The following DNAJC16 variants were observed in gnomAD, a reference collection of about 807,000 sequenced individuals.
DNAJC16 encodes dnaJ homolog subfamily C member 16.
A neutral mutation model predicts 92.7 loss-of-function variants in DNAJC16; 76 were observed. That is an observed-to-expected ratio of 0.82 (90% CI 0.68 to 0.99). The LOEUF is 0.99. Among genes scored for constraint, DNAJC16 ranks in the 50% least tolerant of loss-of-function variants. The pLI, the probability that DNAJC16 is intolerant of heterozygous loss-of-function variation, is 0.00. For missense variants in DNAJC16, 869 were observed against 942.4 expected, an observed-to-expected ratio of 0.92 and a Z score of 1.02; for synonymous variants, 328 against 358.7, an observed-to-expected ratio of 0.91 and a Z score of 0.97.
At chr1:15,542,482 G>C (rs763777391) in intron 4 of DNAJC16, among the ~76,000 whole-genome samples, 58 of 152,126 alleles carry the variant, frequency 3.8e-4, no homozygotes, top group Non-Finnish European at 7.1e-4. Context: ...CTGATCATCT[G>C]TCTCCTTTGT....
intron 7 of DNAJC16, among the ~76,000 whole-genome samples, chr1:15,555,192 G>A (rs530835205): frequency 2.0e-5 from 3 of 150,188 alleles, no homozygotes; most frequent in Admixed American, 1.3e-4. Flanking sequence ...CCTGGGCAAC[G>A]TGGTAAAACC....
Position 15,569,113 on chromosome 1 carries a change from C to T in DNAJC16, c.*936C>T, listed in dbSNP as rs1638886524. The T allele has an allele frequency of 6.2e-6, 1 of 161,474 alleles. No homozygotes were observed. The highest frequency in any genetic ancestry group is 2.4e-5 in the African/African-American group (1 of 41,874). The allele number at this position is 161,474 out of a possible 1,614,324, so 10.0% of individuals were successfully genotyped here. A position where few individuals can be genotyped will look rare whatever the true frequency, so the allele number is the denominator to read the frequency against. On this transcript the variant is annotated 3_prime_UTR_variant, in exon 15 of 15. Transcript: ENST00000375847. ...TTAAACTGAAGAGAAATTATTCCCA[C>T]CTGCTATGAGTCAGGCTTAAGGAAT... is the stretch of plus-strand genomic sequence containing the variant.
At chr1:15,547,074 G>T (rs368485112) in intron 6 of DNAJC16, among the ~76,000 whole-genome samples, 329 of 151,700 alleles carry the variant, frequency 2.2e-3, no homozygotes, top group African/African-American at 7.5e-3. Context: ...GCCAGTTACT[G>T]TGTTAGTGCT....
chr1:15,535,783 A>G (rs909029418), intron 3 of DNAJC16, among the ~76,000 whole-genome samples: 2 of 151,792 alleles, frequency 1.3e-5, no homozygotes, highest in Admixed American at 1.3e-4. Flanking sequence ...TTTTCTTAAG[A>G]GACAGTCTGT....
At chr1:15,535,058 C>T (rs1446984418) in intron 3 of DNAJC16, among the ~76,000 whole-genome samples, 1 of 152,174 alleles carries the variant, frequency 6.6e-6, no homozygotes, top group African/African-American at 2.4e-5. Flanking sequence ...TAGGGAATGC[C>T]CTTCAGCAGA....
chr1:15,530,860 G>T (rs1304710111), intron 2 of DNAJC16, among the ~76,000 whole-genome samples: 3 of 152,150 alleles, frequency 2.0e-5, no homozygotes, highest in African/African-American at 7.2e-5. Context: ...GCTAATTGTT[G>T]TATTTCTAGT....
Position 15,529,183 on chromosome 1 carries a change from G to A in DNAJC16, c.78G>A (p.Leu26=), listed in dbSNP as rs1340124446. ...LVLILQILSA[L]DFDPYRVLGV... ...TGATCCTGCAAATTCTGTCTGCGTT[G>A]GATTTTGACCCATACAGAGTCCTAG... Residue 26 remains leucine, a synonymous_variant, in exon 2 of 15, where the codon TTG becomes TTA. Transcript: ENST00000375847. The A allele has an allele frequency of 6.2e-7, 1 of 1,613,958 alleles. No individual in the cohort carries two copies. The highest frequency in any genetic ancestry group is 8.5e-7 in the Non-Finnish European group (1 of 1,179,984).
At chr1:15,562,028 G>A (rs762126969) in intron 8 of DNAJC16, 114 bp from the exon 9 acceptor site, 5 of 1,031,162 alleles carry the variant, frequency 4.8e-6, no homozygotes, top group Admixed American at 2.4e-5. Context: ...ACTGGGCACA[G>A]TGTATTCACT....
intron 2 of DNAJC16, among the ~76,000 whole-genome samples, chr1:15,532,703 G>GT (rs142392931): frequency 0.3 from 45,446 of 150,178 alleles, 7,160 homozygotes; most frequent in East Asian, 0.58. Context: ...TGGTATTTTT[G>GT]TGTTTTTTTT....
chr1:15,536,835 GA>G, intron 4 of DNAJC16, 21 bp downstream of exon 4: 1 of 1,571,018 alleles, frequency 6.4e-7, no homozygotes, highest in Non-Finnish European at 8.6e-7. Context: ...TTTATTCACT[GA>G]AAGATATTTA....
rs1710729051 is a variant in DNAJC16, at chr1:15,534,274, A to G, written c.205A>G (p.Lys69Glu). 1 of 1,614,114 alleles carries G rather than the reference A, an allele frequency of 6.2e-7. No homozygotes were observed. Among genetic ancestry groups the G allele is most frequent in the Non-Finnish European group, 8.5e-7 (1 of 1,180,000 alleles). ...DKNKDPGAED[K>E]FIQISKAYEI... Reference sequence around the variant, plus strand: ...AAACAAAGATCCTGGAGCAGAAGACAAGTTCATTCAAATCAGTAAGGCTTA... The same window carrying G: ...AAACAAAGATCCTGGAGCAGAAGACGAGTTCATTCAAATCAGTAAGGCTTA... The change falls in exon 3 of 15, where the codon AAG becomes GAG. Residue 69 changes from lysine to glutamate, a missense_variant. Coordinates refer to ENST00000375847, the MANE Select transcript of DNAJC16 (RefSeq NM_015291.4).
chr1:15,555,765 ATCAGGAGTTTGAGG>A (rs1249761504), intron 7 of DNAJC16, among the ~76,000 whole-genome samples: 1 of 148,008 alleles, frequency 6.8e-6, no homozygotes, highest in Non-Finnish European at 1.5e-5. Context: ...AGTCGGGTGG[ATCAGGAGTTTGAGG>A]TCAGGAGTTC....
rs138963469 is a variant in DNAJC16 at position 15,564,343 on chromosome 1, A to G, written c.1582A>G (p.Ile528Val). The G allele has an allele frequency of 1.0e-5, 16 of 1,604,980 alleles. No homozygotes were observed. In the African/African-American group the frequency reaches 1.7e-4, roughly 17 times the overall value. Reference protein sequence around the residue: ...SDYISDCWDSIFHNNWREMMP... With the variant: ...SDYISDCWDSVFHNNWREMMP... ...CTACATCTCAGACTGCTGGGATAGCATTTTTCACAACAACTGGTAGGGATA... is the reference window on the plus strand; with the variant it reads ...CTACATCTCAGACTGCTGGGATAGCGTTTTTCACAACAACTGGTAGGGATA... Residue 528 changes from isoleucine (I) to valine (V), a missense_variant, in exon 11 of 15, where the codon ATT (isoleucine) becomes GTT (valine). Transcript: ENST00000375847.
In DNAJC16 at chr1:15,536,465, TCC is replaced by T; in HGVS notation, c.235-9_235-8del. The stretch of plus-strand genomic sequence containing the variant: ...TTTGTTGTTGTTTAGATTTTTTTCT[TCC>T]TTTATAGATTCTTTCAAATGAAGAA... On this transcript the variant is annotated splice_polypyrimidine_tract_variant and splice_region_variant and intron_variant, in intron 3 of 14. Coordinates refer to ENST00000375847, the MANE Select transcript of DNAJC16 (RefSeq NM_015291.4). 1 of 1,554,986 alleles carries T rather than the reference TCC, an allele frequency of 6.4e-7. No homozygotes were observed. The highest frequency in any genetic ancestry group is 1.4e-5 in the African/African-American group (1 of 72,112).
intron 3 of DNAJC16, among the ~76,000 whole-genome samples, chr1:15,535,421 G>A (rs1710756268): frequency 6.6e-6 from 1 of 152,242 alleles, no homozygotes; most frequent in African/African-American, 2.4e-5. Context: ...AGTGAAAGAA[G>A]AGTTTCTCAT....
Position 15,567,853 on chromosome 1 carries a change from T to C in DNAJC16, c.2025T>C (p.Ala675=). Residue 675 remains alanine (A), a synonymous_variant, in exon 15 of 15, where the codon GCT becomes GCC. Transcript: ENST00000375847. Reference sequence around the variant, plus strand: ...GGCTAGAATACTTACTAGAATTTGCTCAAGATGCAGCTCCAATCCCAAACC... The same window carrying C: ...GGCTAGAATACTTACTAGAATTTGCCCAAGATGCAGCTCCAATCCCAAACC... The part of the protein sequence containing the change: ...REWLEYLLEF[A]QDAAPIPNQY... 6.2e-7 allele frequency: 1 copy of C among 1,614,196 alleles called. No homozygotes were observed. The highest frequency in any genetic ancestry group is 8.5e-7 in the Non-Finnish European group (1 of 1,180,038).
At chr1:15,545,083 T>C (rs1468163526) in intron 5 of DNAJC16, among the ~76,000 whole-genome samples, 1 of 152,224 alleles carries the variant, frequency 6.6e-6, no homozygotes, top group Admixed American at 6.5e-5. Flanking sequence ...GACAATAATA[T>C]GAATGAATTT....
Position 15,567,886 on chromosome 1 carries a change from T to C in DNAJC16, c.2058T>C (p.Asp686=), listed in dbSNP as rs771599978. The C allele has an allele frequency of 6.2e-7, 1 of 1,614,218 alleles. No individual in the cohort carries two copies. The highest frequency in any genetic ancestry group is 1.1e-5 in the South Asian group (1 of 91,084). The change falls in exon 15 of 15, where the codon GAT becomes GAC. Residue 686 remains aspartate, a synonymous_variant. Transcript: ENST00000375847. ...CAGCTCCAATCCCAAACCAATATGA[T>C]AAGCATTTCATGGAGCGTGACTACA... ...QDAAPIPNQY[D]KHFMERDYTG... is the part of the protein sequence containing the mutation.
intron 4 of DNAJC16, chr1:15,542,274 G>A (rs1302814955): frequency 6.6e-6 from 1 of 152,278 alleles, no homozygotes. Context: ...TGAGTAAGGA[G>A]CCTCACCTGG....
Sources: gnomAD v4.1 joint callset for allele counts (sites outside exome capture counted in the v4.1 genomes callset) on GRCh38, gnomAD v4.1.1 for gene constraint, MANE v1.5 for transcripts, NCBI Gene and HGNC (gene_info 2026-07-23, HGNC 2026-07-21) for gene names.